PCDHGA10: variants seen among roughly 807,000 people sequenced by gnomAD.
The protein encoded by PCDHGA10 is protocadherin gamma subfamily A, 10.
PCDHGA10 carries 42 observed loss-of-function variants against 59.5 expected under a neutral mutation model. The observed-to-expected ratio is 0.71, with a 90% CI of 0.55 to 0.91. The LOEUF (loss-of-function observed/expected upper bound fraction) is 0.91, where lower values mean the gene tolerates loss of function less well. PCDHGA10 is among the 40% of genes least tolerant of loss of function. The pLI, the probability that PCDHGA10 is intolerant of heterozygous loss-of-function variation, is 0.00. For missense variants in PCDHGA10, 1,111 were observed against 1,198.2 expected, an observed-to-expected ratio of 0.93 and a Z score of 1.07; for synonymous variants, 511 against 517.2, an observed-to-expected ratio of 0.99 and a Z score of 0.16.
In PCDHGA10 at chr5:141,487,107, T is replaced by C. The variant is rs1193091014; in HGVS notation, c.2437-7700T>C. 6.2e-7 allele frequency: 1 copy of C among 1,613,926 alleles called. No individual in the cohort carries two copies. The highest frequency in any genetic ancestry group is 8.5e-7 in the Non-Finnish European group (1 of 1,179,782). On this transcript the variant is annotated intron_variant, in intron 1 of 3. Transcript: ENST00000398610. This position sits in a 1 kb window ranked among gnomAD's most constrained non-coding sequence, Gnocchi z 5.0. ...GACCTCCCACCACAGAAGCTGGTCA[T>C]TGTGGTAAAGGATAGTGGTAGTCCA...
chr5:141,455,542 C>T (rs2154565110), intron 1 of PCDHGA10, among the ~76,000 whole-genome samples: 1 of 152,246 alleles, frequency 6.6e-6, no homozygotes, highest in African/African-American at 2.4e-5. Flanking sequence ...ATATCATTCA[C>T]GTAGCCCGAG....
At chr5:141,423,225 C>T (rs763729316) in intron 1 of PCDHGA10, 3 of 1,613,804 alleles carry the variant, frequency 1.9e-6, no homozygotes, top group South Asian at 1.1e-5. Context: ...TGGCTGTGGC[C>T]GACAGCATCC....
chr5:141,472,486 G>A (rs1300618918), intron 1 of PCDHGA10, among the ~76,000 whole-genome samples: 1 of 152,050 alleles, frequency 6.6e-6, no homozygotes, highest in Non-Finnish European at 1.5e-5. Flanking sequence ...CTTGCAGTGA[G>A]ACGAGATCGT....
intron 1 of PCDHGA10, chr5:141,419,411 C>A (rs757881409): frequency 1.9e-6 from 3 of 1,613,462 alleles, no homozygotes; most frequent in Non-Finnish European, 2.5e-6. Context: ...GTTCGCGCAG[C>A]GCGCCTTCGA....
At chr5:141,423,797 C>A in intron 1 of PCDHGA10, 2 of 1,249,164 alleles carry the variant, frequency 1.6e-6, no homozygotes, top group African/African-American at 1.6e-5. Flanking sequence ...ATATTTAGAG[C>A]AATACATGTG....
rs745658462 is a variant in PCDHGA10 at position 141,414,720 on chromosome 5, T to C, written c.1545T>C (p.Thr515=). 6 of 1,614,132 alleles carry C rather than the reference T, an allele frequency of 3.7e-6. No homozygotes were observed. The East Asian group carries it at 1.3e-4, about 36-fold the overall frequency. ...LSSYISINSD[T]GVLYALRSFD... ...CATACATATCCATCAACTCAGACAC[T>C]GGCGTCCTGTATGCACTCAGATCCT... Residue 515 remains threonine, a synonymous_variant, in exon 1 of 4, where the codon ACT becomes ACC. Coordinates refer to ENST00000398610, the MANE Select transcript of PCDHGA10 (RefSeq NM_018913.3).
At chr5:141,427,963 T>C (rs1289642441) in intron 1 of PCDHGA10, 1 of 1,589,380 alleles carries the variant, frequency 6.3e-7, no homozygotes, top group East Asian at 2.2e-5. Flanking sequence ...GTGCCGCGGG[T>C]GCTGTACCCC....
chr5:141,433,093 G>A (rs1203083573), intron 1 of PCDHGA10: 4 of 1,614,206 alleles, frequency 2.5e-6, no homozygotes, highest in Admixed American at 1.7e-5. Flanking sequence ...ATGCAGACAT[G>A]CTCGTCAGCC....
At position 141,490,108 on chromosome 5, in the gene PCDHGA10, C is replaced by T. The variant is rs566655929; in HGVS notation, c.2437-4699C>T. 1.4e-5 allele frequency: 22 copies of T among 1,614,244 alleles called. No individual in the cohort carries two copies. Among genetic ancestry groups the T allele is most frequent in the South Asian group, 5.5e-5 (5 of 91,090 alleles). The stretch of plus-strand genomic sequence containing the variant: ...TGGAGACCACACATCTGAGGCAGTG[C>T]GGAACCTCTTTGGCCTAGACCCTAG... On this transcript the variant is annotated intron_variant, in intron 1 of 3. Coordinates refer to ENST00000398610, the MANE Select transcript of PCDHGA10 (RefSeq NM_018913.3). This position sits in a 1 kb window ranked among gnomAD's most constrained non-coding sequence, Gnocchi z 5.4.
chr5:141,465,689 C>A (rs2099107540), intron 1 of PCDHGA10, among the ~76,000 whole-genome samples: 1 of 152,162 alleles, frequency 6.6e-6, no homozygotes, highest in African/African-American at 2.4e-5. Context: ...GACCAGTCTG[C>A]TTTTGCATTG....
chr5:141,413,734 C>A lies in PCDHGA10; in HGVS notation c.559C>A (p.Gln187Lys). 1 of 1,613,422 alleles carries A rather than the reference C, an allele frequency of 6.2e-7. No homozygotes were observed. The highest frequency in any genetic ancestry group is 8.5e-7 in the Non-Finnish European group (1 of 1,179,886). ...SPNKHFSLRVQSRANGVKYPE... is the reference protein window; with the variant it reads ...SPNKHFSLRVKSRANGVKYPE... ...CAATAAGCACTTCTCCCTAAGAGTT[C>A]AGAGCCGTGCCAATGGCGTCAAGTA... Residue 187 changes from glutamine (Q) to lysine (K), a missense_variant, in exon 1 of 4, where the codon CAG (glutamine) becomes AAG (lysine). Physicochemically the swap from Gln to Lys is moderately conservative, Grantham distance 53. Transcript: ENST00000398610.
In PCDHGA10 at chr5:141,415,275, G is replaced by A. The variant is rs1242620005; in HGVS notation, c.2100G>A (p.Ala700=). 5.6e-6 allele frequency: 9 copies of A among 1,614,094 alleles called. No homozygotes were observed. The highest frequency in any genetic ancestry group is 4.5e-5 in the East Asian group (2 of 44,900). The part of the protein sequence containing the change: ...TSDLTLYLVV[A]VAAVSCVFLA... ...ACCTCACTCTGTACCTGGTGGTAGC[G>A]GTGGCCGCGGTCTCCTGCGTCTTCC... The change falls in exon 1 of 4, where the codon GCG becomes GCA. Residue 700 remains alanine, a synonymous_variant. Transcript: ENST00000398610.
intron 1 of PCDHGA10, chr5:141,422,419 A>G (rs1318381358): frequency 8.7e-6 from 14 of 1,607,158 alleles, no homozygotes; most frequent in Non-Finnish European, 1.2e-5. Context: ...ATTAGAAAAG[A>G]CTTATGGAAA....
chr5:141,474,597 T>C (rs1454833258), intron 1 of PCDHGA10, among the ~76,000 whole-genome samples: 2 of 152,248 alleles, frequency 1.3e-5, no homozygotes, highest in Non-Finnish European at 2.9e-5. Flanking sequence ...CATGGAAATA[T>C]AGGTCACATA....
chr5:141,485,093 T>C lies in PCDHGA10; in HGVS notation c.2437-9714T>C. 1 of 1,076,296 alleles carries C rather than the reference T, an allele frequency of 9.3e-7. No homozygotes were observed. Among genetic ancestry groups the C allele is most frequent in the Non-Finnish European group, 1.4e-6 (1 of 718,118 alleles). 66.7% of individuals were successfully genotyped at this position (1,076,296 alleles called of 1,614,324 possible). ...TGGCGCGGGGAAAGGGAGATAGGTG[T>C]CTCCAGCTGCTGTGGCTGTTTGGGG... On this transcript the variant is annotated intron_variant, in intron 1 of 3. Coordinates refer to ENST00000398610, the MANE Select transcript of PCDHGA10 (RefSeq NM_018913.3). The surrounding 1 kb of genome is among the most constrained non-coding windows in gnomAD (Gnocchi z 5.7).
At chr5:141,423,880 G>A in intron 1 of PCDHGA10, 1 of 1,282,292 alleles carries the variant, frequency 7.8e-7, no homozygotes, top group Middle Eastern at 2.9e-4. Context: ...TTTCAATCTT[G>A]GCATATTTTC....
intron 1 of PCDHGA10, among the ~76,000 whole-genome samples, chr5:141,453,510 T>C (rs11958830): frequency 0.2 from 30,607 of 152,026 alleles, 3,435 homozygotes; most frequent in African/African-American, 0.31. Flanking sequence ...AAAATTGTCA[T>C]TCCTCCCCTA....
chr5:141,503,608 A>AAAAAAAG (rs1483073868), intron 2 of PCDHGA10, among the ~76,000 whole-genome samples: 1 of 151,994 alleles, frequency 6.6e-6, no homozygotes, highest in East Asian at 1.9e-4. Flanking sequence ...CAAAAAAAAA[A>AAAAAAAG]AAAAAAGAAA....
Position 141,423,286 on chromosome 5 carries a change from ACCT to A in PCDHGA10, c.2436+7677_2436+7679del, listed in dbSNP as rs554024395. 8.7e-3 allele frequency: 13,966 copies of A among 1,613,746 alleles called. 98 individuals are homozygous for A. The highest frequency in any genetic ancestry group is 0.011 in the Middle Eastern group (68 of 6,062). ...CCTCGAGTCTCTGGCTAACTCTGAAACCTCAGACCTCTCGCTGTACTTGGTGGT... is the reference window on the plus strand; with the variant it reads ...CCTCGAGTCTCTGGCTAACTCTGAAACAGACCTCTCGCTGTACTTGGTGGT... On this transcript the variant is annotated intron_variant, in intron 1 of 3. Transcript: ENST00000398610.
Sources: gnomAD v4.1 joint callset for allele counts (sites outside exome capture counted in the v4.1 genomes callset) on GRCh38, gnomAD v4.1.1 for gene constraint, Gnocchi (gnomAD v3.1) non-coding constraint, MANE v1.5 for transcripts, NCBI Gene and HGNC (gene_info 2026-07-23, HGNC 2026-07-21) for gene names.